The following CNTNAP5 variants were observed in gnomAD, a reference collection of about 807,000 sequenced individuals.
CNTNAP5 encodes contactin associated protein family member 5, also known as contactin-associated protein-like 5.
CNTNAP5 carries 72 observed loss-of-function variants against 150.2 expected under a neutral mutation model. The observed-to-expected ratio is 0.48, with a 90% CI of 0.40 to 0.58. The LOEUF is 0.58. CNTNAP5 is among the 20% of genes least tolerant of loss of function. CNTNAP5 has a pLI of 0.00. For synonymous variants in CNTNAP5, 672 were observed against 619.8 expected, an observed-to-expected ratio of 1.08 and a Z score of -1.25; for missense variants, 1,636 against 1,626.2, an observed-to-expected ratio of 1.01 and a Z score of -0.10.
chr2:124,430,318 T>C (rs1160118068), intron 4 of CNTNAP5, among the ~76,000 whole-genome samples: 1 of 152,168 alleles, frequency 6.6e-6, no homozygotes, highest in Non-Finnish European at 1.5e-5. Context: ...GTGTTTGTCT[T>C]ATTTGTAAAG....
At chr2:124,463,992 A>G (rs936107925) in intron 6 of CNTNAP5, among the ~76,000 whole-genome samples, 5 of 152,158 alleles carry the variant, frequency 3.3e-5, no homozygotes, top group South Asian at 2.1e-4. Flanking sequence ...AGGTTAGAGA[A>G]AAAACAGTGA....
intron 1 of CNTNAP5, among the ~76,000 whole-genome samples, chr2:124,127,811 A>C (rs1473827397): frequency 1.3e-5 from 2 of 152,222 alleles, no homozygotes; most frequent in Non-Finnish European, 2.9e-5. Context: ...AAATGGGGAA[A>C]AGATTCCCTA....
intron 8 of CNTNAP5, among the ~76,000 whole-genome samples, chr2:124,521,160 T>C (rs1694838940): frequency 6.6e-6 from 1 of 152,118 alleles, no homozygotes; most frequent in African/African-American, 2.4e-5. Context: ...CAAGGGACCT[T>C]TGAACCTTCC....
chr2:124,655,851 T>C (rs923965748), intron 13 of CNTNAP5, among the ~76,000 whole-genome samples: 2 of 150,898 alleles, frequency 1.3e-5, no homozygotes, highest in Admixed American at 6.6e-5. Context: ...CAGTGAGCTA[T>C]AATTGTGCTA....
chr2:124,648,214 A>C (rs1185625003), intron 13 of CNTNAP5, among the ~76,000 whole-genome samples: 2 of 152,214 alleles, frequency 1.3e-5, no homozygotes. Context: ...CCCACCCTGC[A>C]ACAGTTGTGA....
intron 3 of CNTNAP5, among the ~76,000 whole-genome samples, chr2:124,246,977 C>CT (rs1687045421): frequency 1.3e-5 from 2 of 152,114 alleles, no homozygotes; most frequent in South Asian, 4.1e-4. Flanking sequence ...TTTCCTGTAA[C>CT]TTTCTGGAAT....
rs556264248 is a variant in CNTNAP5, at chr2:124,763,000, G to A, written c.2235-672G>A. Among the ~76,000 whole-genome samples the A allele has an allele frequency of 3.3e-5, 5 of 152,072 alleles. No individual in the cohort carries two copies. The South Asian group carries it at 1.0e-3, about 32-fold the overall frequency. On this transcript the variant is annotated intron_variant, in intron 14 of 23. Transcript: ENST00000682447. ...AGCCAAATGATGTGGCCCTTACCAT[G>A]AGTCCAAAAACACCACCTTAAACAA... is the stretch of plus-strand genomic sequence containing the variant.
At chr2:124,440,646 A>C (rs1381115745) in intron 5 of CNTNAP5, among the ~76,000 whole-genome samples, 2 of 152,258 alleles carry the variant, frequency 1.3e-5, no homozygotes, top group East Asian at 3.9e-4. Context: ...CAAACATTTC[A>C]AGCTTCCTAT....
intron 1 of CNTNAP5, among the ~76,000 whole-genome samples, chr2:124,148,147 ATTACT>A (rs1217737749): frequency 5.3e-5 from 8 of 152,040 alleles, no homozygotes; most frequent in African/African-American, 1.7e-4. Flanking sequence ...TTTTAACTAA[ATTACT>A]TTGGTGAACA....
At position 124,764,135 on chromosome 2, in the gene CNTNAP5, C is replaced by A. The variant is rs755942258; in HGVS notation, c.2521C>A (p.Leu841Ile). The A allele has an allele frequency of 2.1e-5, 34 of 1,611,838 alleles. No individual in the cohort carries two copies. In the Admixed American group the frequency reaches 3.0e-4, roughly 14 times the overall value. The change falls in exon 16 of 24, where the codon CTC becomes ATC. Residue 841 changes from leucine to isoleucine, a missense_variant. Leu to Ile is a conservative substitution (Grantham distance 5). Coordinates refer to ENST00000682447, the MANE Select transcript of CNTNAP5 (RefSeq NM_001367498.1). ...TCTTGGCATTAAAGACTTCATTCGA[C>A]TCGAAATAAGCTGTAAGTGCCCTCA... ...ENLGIKDFIRLEISSPSEITF... is the reference protein window; with the variant it reads ...ENLGIKDFIRIEISSPSEITF...
At chr2:124,331,310 A>G (rs1689344280) in intron 3 of CNTNAP5, among the ~76,000 whole-genome samples, 1 of 152,128 alleles carries the variant, frequency 6.6e-6, no homozygotes, top group Non-Finnish European at 1.5e-5. Flanking sequence ...ACAATAATTT[A>G]ATAGCCAAAA....
chr2:124,784,593 A>G (rs1681525119), intron 17 of CNTNAP5, among the ~76,000 whole-genome samples: 1 of 152,238 alleles, frequency 6.6e-6, no homozygotes, highest in African/African-American at 2.4e-5. Context: ...AGACTGATAG[A>G]GAATCCCAGA....
intron 19 of CNTNAP5, among the ~76,000 whole-genome samples, chr2:124,833,812 G>A (rs543261862): frequency 1.3e-5 from 2 of 152,050 alleles, no homozygotes; most frequent in Non-Finnish European, 1.5e-5. Flanking sequence ...TGTAGGAAAA[G>A]GCAAGAGCTA....
At chr2:124,044,046 T>C (rs1364685745) in intron 1 of CNTNAP5, among the ~76,000 whole-genome samples, 1 of 152,198 alleles carries the variant, frequency 6.6e-6, no homozygotes, top group African/African-American at 2.4e-5. Flanking sequence ...ACATTACATC[T>C]TTAAGCCCTG....
intron 7 of CNTNAP5, among the ~76,000 whole-genome samples, chr2:124,480,823 T>C (rs1693746705): frequency 6.6e-6 from 1 of 152,216 alleles, no homozygotes; most frequent in Admixed American, 6.5e-5. Flanking sequence ...GCATCTATGC[T>C]GTATGCTCCT....
At chr2:124,707,583 C>T (rs551655394) in intron 13 of CNTNAP5, among the ~76,000 whole-genome samples, 8 of 149,384 alleles carry the variant, frequency 5.4e-5, no homozygotes, top group Non-Finnish European at 1.2e-4. Context: ...AGATCAATAT[C>T]CCAAACAAAA....
intron 13 of CNTNAP5, among the ~76,000 whole-genome samples, chr2:124,715,336 C>T (rs925316086): frequency 3.9e-5 from 6 of 152,216 alleles, no homozygotes; most frequent in African/African-American, 1.2e-4. Context: ...AAAATAGCAA[C>T]ATCTTGAACA....
intron 2 of CNTNAP5, 101 bp downstream of exon 2, chr2:124,221,910 T>C (rs1280516598): frequency 5.5e-6 from 4 of 723,654 alleles, no homozygotes; most frequent in South Asian, 3.3e-5. Flanking sequence ...TCATGTCCAA[T>C]GGCCGTCTTC....
chr2:124,364,544 C>T (rs1690314773), intron 3 of CNTNAP5, among the ~76,000 whole-genome samples: 1 of 152,104 alleles, frequency 6.6e-6, no homozygotes, highest in Non-Finnish European at 1.5e-5. Context: ...AAATCTTTTC[C>T]CAATGTATAC....
Sources: allele counts gnomAD v4.1 joint callset (sites outside exome capture counted in the v4.1 genomes callset), GRCh38; gene constraint gnomAD v4.1.1; transcripts MANE v1.5; gene names NCBI Gene and HGNC (gene_info 2026-07-23, HGNC 2026-07-21).